The following AKAP13 variants were observed in gnomAD, a reference collection of about 807,000 sequenced individuals.
The protein encoded by AKAP13 is A-kinase anchor protein 13.
AKAP13 carries 80 observed loss-of-function variants against 264.5 expected under a neutral mutation model. The ratio of observed to expected loss-of-function variants is 0.30; its 90% confidence interval spans 0.25 to 0.36. The LOEUF is 0.36. AKAP13 is among the 10% of genes least tolerant of loss of function. The probability of loss-of-function intolerance (pLI) is 1.00; values close to 1 mark genes in which losing one functional copy is unlikely to be tolerated. For synonymous variants in AKAP13, 1,380 were observed against 1,250.2 expected (o/e 1.10, Z -2.19); for missense variants, 3,712 against 3,435.2 (o/e 1.08, Z -2.01).
chr15:85,412,205 A>T (rs2072006043), intron 1 of AKAP13, among the ~76,000 whole-genome samples: 1 of 152,232 alleles, frequency 6.6e-6, no homozygotes, highest in African/African-American at 2.4e-5. Flanking sequence ...ACAGTTTCAG[A>T]TTTCACATTG....
At chr15:85,592,539 A>G (rs2079627948) in intron 8 of AKAP13, among the ~76,000 whole-genome samples, 1 of 152,226 alleles carries the variant, frequency 6.6e-6, no homozygotes, top group African/African-American at 2.4e-5. Flanking sequence ...ACCTAGGGAA[A>G]GGCAAATTGC....
intron 12 of AKAP13, chr15:85,662,457 T>G: frequency 1.2e-6 from 2 of 1,614,172 alleles, no homozygotes; most frequent in South Asian, 2.2e-5. Context: ...ACAGAAGGTA[T>G]GATATTGTTA....
At chr15:85,699,421 G>A (rs921077038) in intron 17 of AKAP13, among the ~76,000 whole-genome samples, 14 of 150,478 alleles carry the variant, frequency 9.3e-5, no homozygotes, top group African/African-American at 2.9e-4. Context: ...TTTAGCGTGC[G>A]CAACAAGAGT....
Position 85,578,955 on chromosome 15 carries a change from G to A in AKAP13, c.887G>A (p.Ser296Asn), listed in dbSNP as rs1254686327. 3 of 1,613,772 alleles carry A rather than the reference G, an allele frequency of 1.9e-6. No individual in the cohort carries two copies. Among genetic ancestry groups the A allele is most frequent in the African/African-American group, 2.7e-5 (2 of 74,862 alleles). Reference sequence around the variant, plus strand: ...AAAACAAACCTCAAGCAGATGGACAGTCTTATGCCCTTAATGATGACAGCA... The same window carrying A: ...AAAACAAACCTCAAGCAGATGGACAATCTTATGCCCTTAATGATGACAGCA... ...LMKTNLKQMD[S>N]LMPLMMTAQD... Residue 296 changes from serine (S) to asparagine (N), a missense_variant, in exon 7 of 37, where the codon AGT becomes AAT. Transcript: ENST00000394518.
intron 16 of AKAP13, among the ~76,000 whole-genome samples, chr15:85,685,608 A>T (rs2084866429): frequency 6.6e-6 from 1 of 151,938 alleles, no homozygotes; most frequent in African/African-American, 2.4e-5. Flanking sequence ...CTCGCACCGT[A>T]GCCTCCCGAG....
chr15:85,731,312 C>T (rs1245422550), intron 30 of AKAP13, among the ~76,000 whole-genome samples: 4 of 152,102 alleles, frequency 2.6e-5, no homozygotes, highest in Non-Finnish European at 4.4e-5. Context: ...GGCCATTAAT[C>T]ACTTACTTAT....
intron 17 of AKAP13, 74 bp downstream of exon 17, chr15:85,693,525 C>T: frequency 1.3e-6 from 2 of 1,575,584 alleles, no homozygotes; most frequent in African/African-American, 1.4e-5. Flanking sequence ...TGTTTCCTGT[C>T]CCCACTCATT....
At chr15:85,391,082 A>G (rs900397037) in intron 1 of AKAP13, among the ~76,000 whole-genome samples, 21 of 152,356 alleles carry the variant, frequency 1.4e-4, no homozygotes, top group Admixed American at 1.3e-3. Context: ...ATAGGGGCTC[A>G]TGGCATAGTA....
intron 1 of AKAP13, among the ~76,000 whole-genome samples, chr15:85,465,127 T>A (rs1327358302): frequency 6.7e-6 from 1 of 149,150 alleles, no homozygotes; most frequent in Non-Finnish European, 1.5e-5. Flanking sequence ...TTTTTTGTAT[T>A]TTTTTTTAGT....
rs142608912 is a variant in AKAP13 at position 85,388,094 on chromosome 15, G to C, written c.-12+7296G>C. 3.4e-4 allele frequency among the ~76,000 whole-genome samples: 51 copies of C among 151,628 alleles called. No individual in the cohort carries two copies. The East Asian group carries it at 8.9e-3, about 27-fold the overall frequency. On this transcript the variant is annotated intron_variant, in intron 1 of 36. Transcript: ENST00000394518. ...CTGTCACCCAGGCTGGAGTGCAGTG[G>C]TGCGATCTCAGCTCACTGCAACCTG...
chr15:85,403,281 G>C (rs1312344775), intron 1 of AKAP13, among the ~76,000 whole-genome samples: 1 of 152,166 alleles, frequency 6.6e-6, no homozygotes, highest in Non-Finnish European at 1.5e-5. Context: ...TGATCAGTGT[G>C]GTGCTAACTT....
At chr15:85,631,851 C>G (rs382462) in intron 8 of AKAP13, among the ~76,000 whole-genome samples, 1 of 151,862 alleles carries the variant, frequency 6.6e-6, no homozygotes, top group African/African-American at 2.4e-5. Context: ...ATAAGTTTAT[C>G]AAGATAAATT....
intron 1 of AKAP13, among the ~76,000 whole-genome samples, chr15:85,448,302 C>T (rs528718437): frequency 1.3e-5 from 2 of 152,168 alleles, no homozygotes; most frequent in South Asian, 4.2e-4. Context: ...CAAATATTTT[C>T]TCCCATTCTG....
At chr15:85,587,180 C>T (rs781723993) in intron 8 of AKAP13, among the ~76,000 whole-genome samples, 14 of 152,206 alleles carry the variant, frequency 9.2e-5, no homozygotes, top group Admixed American at 5.2e-4. Flanking sequence ...CTTCCCTCCC[C>T]CAGCTCATTA....
At chr15:85,566,326 C>T (rs2078603695) in intron 5 of AKAP13, among the ~76,000 whole-genome samples, 1 of 152,166 alleles carries the variant, frequency 6.6e-6, no homozygotes, top group Non-Finnish European at 1.5e-5. Flanking sequence ...ATATTTAGTG[C>T]ATAAGATGCC....
intron 1 of AKAP13, among the ~76,000 whole-genome samples, chr15:85,455,012 A>G (rs1314430376): frequency 6.6e-6 from 1 of 152,084 alleles, no homozygotes; most frequent in African/African-American, 2.4e-5. Flanking sequence ...TTCATTTGGG[A>G]GTTTCAGTGA....
rs931228553 is a variant in AKAP13 at position 85,576,923 on chromosome 15, A to G, written c.861+1594A>G. ...TACGAGAAATTAAAACTGTGGGAAC[A>G]TACATGTGCTACTTTCTTTAGGCAA... On this transcript the variant is annotated intron_variant, in intron 6 of 36. Transcript: ENST00000394518. 3.9e-5 allele frequency among the ~76,000 whole-genome samples: 6 copies of G among 152,334 alleles called. No homozygotes were observed. In the East Asian group the frequency reaches 9.6e-4, roughly 24 times the overall value.
intron 17 of AKAP13, among the ~76,000 whole-genome samples, chr15:85,704,056 C>T (rs1353881141): frequency 6.6e-6 from 1 of 152,042 alleles, no homozygotes; most frequent in Non-Finnish European, 1.5e-5. Context: ...GAAAGTTGTG[C>T]ATTTCTATCC....
chr15:85,542,193 C>T (rs913533164), intron 4 of AKAP13, among the ~76,000 whole-genome samples: 7 of 152,296 alleles, frequency 4.6e-5, no homozygotes, highest in African/African-American at 1.2e-4. Context: ...TTGCCATCTG[C>T]GCAGAGGTGT....
Sources: allele counts gnomAD v4.1 joint callset (sites outside exome capture counted in the v4.1 genomes callset), GRCh38; gene constraint gnomAD v4.1.1; transcripts MANE v1.5; gene names NCBI Gene and HGNC (gene_info 2026-07-23, HGNC 2026-07-21).